Variants in LDLRAD3 observed in about 807,000 individuals in gnomAD.
LDLRAD3 encodes the protein low-density lipoprotein receptor class A domain-containing protein 3.
LDLRAD3 carries 20 observed loss-of-function variants against 29.4 expected under a neutral mutation model. The ratio of observed to expected loss-of-function variants is 0.68; its 90% confidence interval spans 0.48 to 0.99. LDLRAD3 has a LOEUF of 0.99. Ranked by LOEUF, LDLRAD3 falls within the 50% of genes least tolerant of loss-of-function variation. LDLRAD3 has a pLI of 0.00. For missense variants in LDLRAD3, 420 were observed against 454.3 expected (o/e 0.92, Z 0.69); for synonymous variants, 157 against 192.7 (o/e 0.81, Z 1.53).
At chr11:36,228,584 A>G (rs1208667328) in intron 5 of LDLRAD3, among the ~76,000 whole-genome samples, 1 of 152,238 alleles carries the variant, frequency 6.6e-6, no homozygotes, top group Non-Finnish European at 1.5e-5. Flanking sequence ...AAGGTAAGGA[A>G]TGTAAGGGGC....
intron 1 of LDLRAD3, among the ~76,000 whole-genome samples, chr11:36,009,366 G>A (rs1351538250): frequency 1.3e-5 from 2 of 152,188 alleles, no homozygotes; most frequent in African/African-American, 4.8e-5. Flanking sequence ...GGGCTTTGAC[G>A]AACTCCCTTT....
intron 1 of LDLRAD3, among the ~76,000 whole-genome samples, chr11:35,990,265 G>A (rs765325640): frequency 1.3e-5 from 2 of 152,166 alleles, no homozygotes; most frequent in Non-Finnish European, 2.9e-5. Flanking sequence ...TCTCACAGTT[G>A]TGGAGAGAGA....
chr11:35,970,063 G>A (rs569257880), intron 1 of LDLRAD3, among the ~76,000 whole-genome samples: 2 of 152,252 alleles, frequency 1.3e-5, no homozygotes, highest in South Asian at 2.1e-4. Flanking sequence ...GAGGAAAACT[G>A]TTCTGTGTGG....
chr11:36,042,094 A>G (rs1852390586), intron 2 of LDLRAD3, among the ~76,000 whole-genome samples: 1 of 152,118 alleles, frequency 6.6e-6, no homozygotes, highest in African/African-American at 2.4e-5. Flanking sequence ...AGTTTGGGCA[A>G]ATGATCACCA....
chr11:36,204,456 A>G (rs1855176032), intron 4 of LDLRAD3, among the ~76,000 whole-genome samples: 1 of 150,928 alleles, frequency 6.6e-6, no homozygotes, highest in Non-Finnish European at 1.5e-5. Context: ...CTTCTTTGGC[A>G]TGTTGGGTTT....
chr11:36,124,756 A>G (rs564151458), intron 4 of LDLRAD3, among the ~76,000 whole-genome samples: 4 of 148,466 alleles, frequency 2.7e-5, no homozygotes, highest in East Asian at 2.0e-4. Context: ...CAGTGGCATG[A>G]TCTTGGCTCA....
At chr11:35,985,190 T>C (rs185415209) in intron 1 of LDLRAD3, among the ~76,000 whole-genome samples, 289 of 152,298 alleles carry the variant, frequency 1.9e-3, no homozygotes, top group African/African-American at 6.6e-3. Context: ...CTTTGTTCCC[T>C]GAAGTGCTGG....
intron 4 of LDLRAD3, among the ~76,000 whole-genome samples, chr11:36,226,154 A>G (rs115454517): frequency 0.011 from 1,628 of 152,326 alleles, 35 homozygotes; most frequent in African/African-American, 0.038. Context: ...ACGTATAGCT[A>G]TGTTCAGGGG....
chr11:36,055,826 A>G (rs1852610387), intron 2 of LDLRAD3, among the ~76,000 whole-genome samples: 1 of 152,182 alleles, frequency 6.6e-6, no homozygotes, highest in African/African-American at 2.4e-5. Flanking sequence ...AGACCTCTGT[A>G]ATTTTCAATG....
At chr11:36,115,110 G>A (rs918707096) in intron 4 of LDLRAD3, among the ~76,000 whole-genome samples, 2 of 151,854 alleles carry the variant, frequency 1.3e-5, no homozygotes, top group African/African-American at 4.8e-5. Flanking sequence ...GAGGAAGCCC[G>A]AACTATCTAC....
At chr11:36,179,695 A>G (rs150687035) in intron 4 of LDLRAD3, among the ~76,000 whole-genome samples, 67 of 152,186 alleles carry the variant, frequency 4.4e-4, no homozygotes, top group African/African-American at 1.6e-3. Context: ...CAGGGAGTGA[A>G]TAAAACAACG....
chr11:36,048,357 A>T (rs1214803417), intron 2 of LDLRAD3, among the ~76,000 whole-genome samples: 2 of 152,116 alleles, frequency 1.3e-5, no homozygotes, highest in African/African-American at 2.4e-5. Context: ...CACTCCAACT[A>T]CAATGCTGTC....
intron 4 of LDLRAD3, among the ~76,000 whole-genome samples, chr11:36,208,329 G>A (rs1855238362): frequency 6.6e-6 from 1 of 152,234 alleles, no homozygotes; most frequent in South Asian, 2.1e-4. Flanking sequence ...GTTTCACACA[G>A]TTCTGGAGCC....
chr11:36,077,275 C>G (rs1853028722), intron 2 of LDLRAD3, among the ~76,000 whole-genome samples: 1 of 152,172 alleles, frequency 6.6e-6, no homozygotes, highest in South Asian at 2.1e-4. Flanking sequence ...ACAGATAAGC[C>G]AATACATGTA....
At chr11:36,159,602 T>A (rs1200022590) in intron 4 of LDLRAD3, among the ~76,000 whole-genome samples, 93 of 58,390 alleles carry the variant, frequency 1.6e-3, no homozygotes, top group East Asian at 4.7e-3. Flanking sequence ...TTACAGAAAC[T>A]AAAAAAAAAA....
intron 2 of LDLRAD3, among the ~76,000 whole-genome samples, chr11:36,058,503 A>G (rs145488440): frequency 9.3e-4 from 142 of 152,306 alleles, no homozygotes; most frequent in African/African-American, 3.2e-3. Flanking sequence ...TGAATGAATG[A>G]ATGATTTAGT....
intron 4 of LDLRAD3, among the ~76,000 whole-genome samples, chr11:36,151,822 C>T (rs189509904): frequency 2.6e-5 from 4 of 152,288 alleles, no homozygotes; most frequent in East Asian, 1.9e-4. Flanking sequence ...GGAAAATAAA[C>T]AGTTCCTCCC....
intron 2 of LDLRAD3, among the ~76,000 whole-genome samples, chr11:36,050,832 G>C (rs546465743): frequency 6.6e-6 from 1 of 152,158 alleles, no homozygotes; most frequent in Non-Finnish European, 1.5e-5. Context: ...CTCAGTTCTG[G>C]AGTGGGAAAG....
At chr11:35,988,162 A>G (rs1233651554) in intron 1 of LDLRAD3, among the ~76,000 whole-genome samples, 6 of 152,114 alleles carry the variant, frequency 3.9e-5, no homozygotes, top group Non-Finnish European at 8.8e-5. Context: ...GGGTCAAGCC[A>G]TCCTCCCATC....
Sources: gnomAD v4.1 joint callset for allele counts (sites outside exome capture counted in the v4.1 genomes callset) on GRCh38, gnomAD v4.1.1 for gene constraint, MANE v1.5 for transcripts, NCBI Gene and HGNC (gene_info 2026-07-23, HGNC 2026-07-21) for gene names.